The following DHX57 variants were observed in gnomAD, a reference collection of about 807,000 sequenced individuals.
The protein encoded by DHX57 is putative ATP-dependent RNA helicase DHX57.
In DHX57, 105 loss-of-function variants were observed where a neutral mutation model predicts 156.2. The observed-to-expected ratio is 0.67, with a 90% confidence interval of 0.57 to 0.79. The LOEUF (loss-of-function observed/expected upper bound fraction) is 0.79. Ranked by LOEUF, DHX57 falls within the 30% of genes least tolerant of loss-of-function variation. DHX57 has a pLI of 0.00. For synonymous variants in DHX57, 704 were observed against 595.6 expected (o/e 1.18, Z -2.65); for missense variants, 1,847 against 1,661.9 (o/e 1.11, Z -1.94).
chr2:38,849,458 T>A (rs2124897569), intron 9 of DHX57, among the ~76,000 whole-genome samples: 1 of 152,080 alleles, frequency 6.6e-6, no homozygotes, highest in Middle Eastern at 3.4e-3. Flanking sequence ...ACACTTGTAA[T>A]CCTAGCAGTT....
intron 2 of DHX57, among the ~76,000 whole-genome samples, chr2:38,865,313 T>A (rs2124941013): frequency 6.6e-6 from 1 of 152,282 alleles, no homozygotes; most frequent in East Asian, 1.9e-4. Flanking sequence ...ATTCTCGTGA[T>A]AGTGAGTAAC....
chr2:38,807,805 C>G (rs1198237670), intron 21 of DHX57, among the ~76,000 whole-genome samples: 1 of 151,150 alleles, frequency 6.6e-6, no homozygotes, highest in Non-Finnish European at 1.5e-5. Flanking sequence ...GAGCACCACG[C>G]CTGGCTAATT....
chr2:38,867,912 C>T (rs539720501), intron 2 of DHX57, among the ~76,000 whole-genome samples: 25 of 152,278 alleles, frequency 1.6e-4, no homozygotes, highest in African/African-American at 5.8e-4. Context: ...ATAAGGAATA[C>T]TTAAAATAAT....
At position 38,861,227 on chromosome 2, in the gene DHX57, C is replaced by A; in HGVS notation, c.1183G>T (p.Asp395Tyr). The change falls in exon 5 of 24, where the codon GAC (aspartate) becomes TAC (tyrosine). Residue 395 changes from aspartate to tyrosine, a missense_variant. Coordinates refer to ENST00000457308, the MANE Select transcript of DHX57 (RefSeq NM_198963.3). ...GTTTCCGCAAATGTCAAGGCCTTGTCATAAAGAAACTCAGAAATATGTAAA... is the reference window on the plus strand; with the variant it reads ...GTTTCCGCAAATGTCAAGGCCTTGTAATAAAGAAACTCAGAAATATGTAAA... Reference protein sequence around the residue: ...CRLHISEFLYDKALTFAETSE... With the variant: ...CRLHISEFLYYKALTFAETSE... 3 of 1,614,082 alleles carry A rather than the reference C, an allele frequency of 1.9e-6. No homozygotes were observed. The highest frequency in any genetic ancestry group is 2.5e-6 in the Non-Finnish European group (3 of 1,180,026).
chr2:38,873,478 C>G (rs1219029825), intron 1 of DHX57, among the ~76,000 whole-genome samples: 2 of 152,154 alleles, frequency 1.3e-5, no homozygotes, highest in Non-Finnish European at 2.9e-5. Context: ...CAGAGTTTAT[C>G]TTAAGTTTGT....
intron 1 of DHX57, among the ~76,000 whole-genome samples, chr2:38,873,569 C>G (rs1420066596): frequency 1.3e-5 from 2 of 152,158 alleles, no homozygotes; most frequent in Non-Finnish European, 2.9e-5. Context: ...AACACAGTGT[C>G]TAGCATATGG....
intron 13 of DHX57, among the ~76,000 whole-genome samples, chr2:38,835,442 G>T (rs1028848216): frequency 1.3e-5 from 2 of 152,174 alleles, no homozygotes; most frequent in Admixed American, 6.5e-5. Context: ...TTCTGGACTG[G>T]TTCCATCAAT....
chr2:38,839,435 G>A (rs1173229484), intron 12 of DHX57, among the ~76,000 whole-genome samples: 5 of 151,768 alleles, frequency 3.3e-5, no homozygotes, highest in South Asian at 4.2e-4. Context: ...GTTTCGGCTG[G>A]GCGCGGTGGC....
intron 23 of DHX57, among the ~76,000 whole-genome samples, chr2:38,801,578 T>A (rs1472488803): frequency 6.7e-6 from 1 of 148,806 alleles, no homozygotes; most frequent in Non-Finnish European, 1.5e-5. Flanking sequence ...CCCAGCTAAT[T>A]TTTTTTTTTG....
intron 14 of DHX57, among the ~76,000 whole-genome samples, chr2:38,827,654 C>A (rs942251365): frequency 6.6e-6 from 1 of 150,450 alleles, no homozygotes; most frequent in Admixed American, 6.7e-5. Context: ...AGGGAGTGTT[C>A]GTTTGTCAAA....
chr2:38,864,332 C>A lies in DHX57; in HGVS notation c.225-813G>T, dbSNP rs551859027. Among the ~76,000 whole-genome samples, 5 of 150,698 alleles carry A rather than the reference C, an allele frequency of 3.3e-5. No homozygotes were observed. In the East Asian group the frequency reaches 9.8e-4, roughly 30 times the overall value. On this transcript the variant is annotated intron_variant, in intron 2 of 23. Coordinates refer to ENST00000457308, the MANE Select transcript of DHX57 (RefSeq NM_198963.3). ...GGCTGAAGTGGTAGGATTGCTTAAG[C>A]CCCAGGAGTTCGAGACCAGCCTGGG...
chr2:38,862,506 T>C (rs902437191), intron 3 of DHX57, 173 bp from the exon 4 acceptor site: 2 of 569,264 alleles, frequency 3.5e-6, no homozygotes, highest in Non-Finnish European at 5.5e-6. Flanking sequence ...TTACCAGGCA[T>C]TTATTAAATA....
intron 17 of DHX57, among the ~76,000 whole-genome samples, chr2:38,821,255 A>G (rs1480867224): frequency 6.6e-6 from 1 of 152,156 alleles, no homozygotes; most frequent in African/African-American, 2.4e-5. Flanking sequence ...TGCTTATATA[A>G]AAAAGAAAGA....
At chr2:38,811,527 T>C in intron 21 of DHX57, 4 of 1,033,806 alleles carry the variant, frequency 3.9e-6, no homozygotes, top group Non-Finnish European at 5.9e-6. Context: ...TTCCTTGAAG[T>C]CTTCCTTCTG....
chr2:38,832,703 G>C (rs891983286), intron 13 of DHX57, among the ~76,000 whole-genome samples: 1 of 151,562 alleles, frequency 6.6e-6, no homozygotes, highest in African/African-American at 2.4e-5. Context: ...CCATCACCAT[G>C]TCTGGCTAAT....
At chr2:38,844,034 G>A (rs1672143690) in intron 11 of DHX57, among the ~76,000 whole-genome samples, 1 of 152,038 alleles carries the variant, frequency 6.6e-6, no homozygotes, top group South Asian at 2.1e-4. Flanking sequence ...AAAGTGTATT[G>A]TAGCTTTTTA....
At chr2:38,854,429 T>C (rs1187011315) in intron 8 of DHX57, 3 of 277,566 alleles carry the variant, frequency 1.1e-5, no homozygotes, top group Non-Finnish European at 2.0e-5. Context: ...GTTCTCAATC[T>C]GTCTGCTCCT....
At position 38,815,548 on chromosome 2, in the gene DHX57, A is replaced by G. The variant is rs777377368; in HGVS notation, c.3579T>C (p.Asp1193=). ...REIEKRAQGG[D]GVLDATGEEA... ...CTTCTCCTGTGGCATCTAAGACACC[A>G]TCTCCTCCTTGGGCCCTTTTCTCAA... Residue 1193 remains aspartate (D), a synonymous_variant, in exon 20 of 24, where the codon GAT becomes GAC. Transcript: ENST00000457308. The G allele has an allele frequency of 5.0e-6, 8 of 1,613,844 alleles. No individual in the cohort carries two copies. The highest frequency in any genetic ancestry group is 5.9e-6 in the Non-Finnish European group (7 of 1,179,784).
chr2:38,856,566 C>CAT, intron 6 of DHX57, 105 bp from the exon 7 acceptor site: 35 of 1,377,556 alleles, frequency 2.5e-5, no homozygotes, highest in Admixed American at 5.0e-5. Context: ...TGCAGTGGTG[C>CAT]GATCACGGCT....
Sources: gnomAD v4.1 joint callset for allele counts (sites outside exome capture counted in the v4.1 genomes callset) on GRCh38, gnomAD v4.1.1 for gene constraint, MANE v1.5 for transcripts, NCBI Gene and HGNC (gene_info 2026-07-23, HGNC 2026-07-21) for gene names.